GIGYF1: variants seen among roughly 807,000 people sequenced by gnomAD.
GIGYF1 encodes GRB10-interacting GYF protein 1.
GIGYF1 carries 84 observed loss-of-function variants against 147.1 expected under a neutral mutation model. The ratio of observed to expected loss-of-function variants is 0.57; its 90% CI spans 0.48 to 0.68. The LOEUF is 0.68. GIGYF1 is among the 30% of genes least tolerant of loss of function. The pLI is 0.00. For missense variants in GIGYF1, 1,485 were observed against 1,393.7 expected, an observed-to-expected ratio of 1.07 and a Z score of -1.04; for synonymous variants, 752 against 589.5, an observed-to-expected ratio of 1.28 and a Z score of -3.99.
chr7:100,683,823 T>A lies in GIGYF1; in HGVS notation c.1964A>T (p.Gln655Leu), dbSNP rs1467414358. ...GGACCAGTCAGGCCACACACCTGAC[T>A]GTGATGAGGCTGAGGTATGTACGTC... ...LWDVHTSASS[Q>L]SGGEASLWDI... Residue 655 changes from glutamine (Q) to leucine (L), a missense_variant, in exon 19 of 27, where the codon CAG becomes CTG. Gln to Leu is a moderately radical substitution (Grantham distance 113). Coordinates refer to ENST00000678049, the MANE Select transcript of GIGYF1 (RefSeq NM_001375765.1). 4 of 1,575,028 alleles carry A rather than the reference T, an allele frequency of 2.5e-6. No individual in the cohort carries two copies. The Admixed American group carries it at 7.6e-5, about 30-fold the overall frequency.
intron 1 of GIGYF1, among the ~76,000 whole-genome samples, chr7:100,692,325 C>A (rs1421346059): frequency 6.6e-6 from 1 of 152,258 alleles, no homozygotes; most frequent in African/African-American, 2.4e-5. Context: ...GATTTTCACT[C>A]TTTACCTCCT....
intron 1 of GIGYF1, among the ~76,000 whole-genome samples, chr7:100,690,781 CAAAAA>C (rs34194201): frequency 3.2e-5 from 3 of 93,582 alleles, no homozygotes; most frequent in African/African-American, 1.3e-4. Context: ...GACTCTGTCT[CAAAAA>C]AAAAAAAAAA....
chr7:100,684,356 G>A lies in GIGYF1; in HGVS notation c.1630-19C>T, dbSNP rs750044255. The A allele has an allele frequency of 2.1e-5, 33 of 1,594,084 alleles. No individual in the cohort carries two copies. The highest frequency in any genetic ancestry group is 3.3e-4 in the Middle Eastern group (2 of 6,014). On this transcript the variant is annotated intron_variant, in intron 16 of 26. Coordinates refer to ENST00000678049, the MANE Select transcript of GIGYF1 (RefSeq NM_001375765.1). ...TGTTTCCCTGCTCAGGTGAGAGCTC[G>A]GCCAGTGCCCCCAGCAGGGAGGAGG...
intron 1 of GIGYF1, among the ~76,000 whole-genome samples, chr7:100,693,142 A>G (rs1318009526): frequency 6.6e-6 from 1 of 152,194 alleles, no homozygotes; most frequent in Non-Finnish European, 1.5e-5. Context: ...CTGGAAAAAA[A>G]AAATCCAATC....
intron 1 of GIGYF1, among the ~76,000 whole-genome samples, chr7:100,690,085 A>G (rs1486117082): frequency 3.3e-5 from 5 of 152,198 alleles, no homozygotes; most frequent in Non-Finnish European, 7.3e-5. Flanking sequence ...AGTAACACAG[A>G]ATGGCACAAT....
rs1804778701 is a variant in GIGYF1 at position 100,681,630 on chromosome 7, C to G, written c.*89G>C. On this transcript the variant is annotated 3_prime_UTR_variant, in exon 27 of 27. Coordinates refer to ENST00000678049, the MANE Select transcript of GIGYF1 (RefSeq NM_001375765.1). Reference sequence around the variant, plus strand: ...CCCCGCCCCTGCCTCTTCCTGTGCTCTCTGCGGGGAGCCTGCAGGCTGGGA... The same window carrying G: ...CCCCGCCCCTGCCTCTTCCTGTGCTGTCTGCGGGGAGCCTGCAGGCTGGGA... 3.1e-6 allele frequency: 4 copies of G among 1,296,890 alleles called. No individual in the cohort carries two copies. Among genetic ancestry groups the G allele is most frequent in the African/African-American group, 1.5e-5 (1 of 67,412 alleles). The allele number at this position is 1,296,890 out of a possible 1,614,324, so 80.3% of individuals were successfully genotyped here.
In GIGYF1 at chr7:100,686,674, G is replaced by A. The variant is rs114782558; in HGVS notation, c.669C>T (p.Gly223=). ...WRLGAGPRRD[G]DRWRSASPDG... ...CAGGGCTGGCGGAGCGCCAGCGGTC[G>A]CCGTCTCGCCGGGGCCCTGCTCCGA... The change falls in exon 10 of 27, where the codon GGC becomes GGT. Residue 223 remains glycine, a synonymous_variant. Transcript: ENST00000678049. 618 of 1,612,356 alleles carry A rather than the reference G, an allele frequency of 3.8e-4. 5 individuals are homozygous for A. In the African/African-American group the frequency reaches 6.9e-3, roughly 18 times the overall value.
intron 6 of GIGYF1, 75 bp from the exon 7 acceptor site, chr7:100,687,691 C>A: frequency 6.8e-7 from 1 of 1,478,396 alleles, no homozygotes. Context: ...CAGCACCCTC[C>A]CCGCCTGTCT....
At chr7:100,684,215 G>A in intron 17 of GIGYF1, 22 bp downstream of exon 17, 2 of 1,602,468 alleles carry the variant, frequency 1.2e-6, no homozygotes, top group Non-Finnish European at 1.7e-6. Flanking sequence ...CCTTCTCCCA[G>A]CCCACCCCAG....
In GIGYF1 at chr7:100,685,394, G is replaced by C; in HGVS notation, c.1142C>G (p.Thr381Arg). ...TGCAGTTTCGTCCCCATCCCCGTTT[G>C]TCCCCCAGAGTGGGCCCAGGGTGGG... ...PLPTLGPLWG[T>R]NGDGDETAEK... The change falls in exon 13 of 27, where the codon ACA becomes AGA. Residue 381 changes from threonine to arginine, a missense_variant. By Grantham distance (71) the Thr-to-Arg change is moderately conservative. Transcript: ENST00000678049. 6.3e-7 allele frequency: 1 copy of C among 1,591,506 alleles called. No homozygotes were observed. Among genetic ancestry groups the C allele is most frequent in the Non-Finnish European group, 8.5e-7 (1 of 1,174,602 alleles).
rs771298452 is a variant in GIGYF1, at chr7:100,682,461, C to A, written c.2622G>T (p.Ser874=). The A allele has an allele frequency of 1.5e-5, 24 of 1,612,710 alleles. No individual in the cohort carries two copies. In the Admixed American group the frequency reaches 2.8e-4, roughly 19 times the overall value. Residue 874 remains serine (S), a synonymous_variant, in exon 24 of 27, where the codon TCG becomes TCT. Transcript: ENST00000678049. Reference sequence around the variant, plus strand: ...CCGTCTTTTTGCGAATGGGCCGACCCGATAGGTGGCTGTATGAGTCACTGA... The same window carrying A: ...CCGTCTTTTTGCGAATGGGCCGACCAGATAGGTGGCTGTATGAGTCACTGA... ...PSLSDSYSHL[S]GRPIRKKTEE... is the part of the protein sequence containing the mutation.
intron 22 of GIGYF1, 77 bp downstream of exon 22, chr7:100,682,935 G>A (rs1804927782): frequency 6.8e-6 from 9 of 1,331,832 alleles, no homozygotes; most frequent in Non-Finnish European, 6.0e-6. Context: ...GGCTGCACAA[G>A]TCTGGGTTCA....
intron 12 of GIGYF1, 59 bp downstream of exon 12, chr7:100,685,915 A>G (rs1805277616): frequency 6.9e-7 from 1 of 1,452,250 alleles, no homozygotes; most frequent in African/African-American, 1.4e-5. Context: ...CCAGCCCGGC[A>G]AAGAACACCA....
chr7:100,687,217 T>G (rs1426187034), intron 8 of GIGYF1, 81 bp downstream of exon 8: 20 of 1,476,688 alleles, frequency 1.4e-5, no homozygotes, highest in East Asian at 2.3e-5. Context: ...CTGGTGGGCC[T>G]CTGTTACCCT....
intron 6 of GIGYF1, 30 bp downstream of exon 6, chr7:100,687,758 C>T: frequency 6.2e-7 from 1 of 1,606,608 alleles, no homozygotes; most frequent in Non-Finnish European, 8.5e-7. Context: ...TCCCAGGCTC[C>T]CGCAGCCTCA....
At chr7:100,693,203 A>G (rs1805954250) in intron 1 of GIGYF1, among the ~76,000 whole-genome samples, 1 of 152,204 alleles carries the variant, frequency 6.6e-6, no homozygotes, top group Non-Finnish European at 1.5e-5. Flanking sequence ...ACTAGGATGC[A>G]ACAGACCTGG....
chr7:100,683,843 T>C lies in GIGYF1; in HGVS notation c.1944A>G (p.Val648=), dbSNP rs768767907. ...SVPDSGRLWD[V]HTSASSQSGG... ...CTGACTGTGATGAGGCTGAGGTATG[T>C]ACGTCCCAGAGGCGGCCCGAATCTG... The change falls in exon 19 of 27, where the codon GTA becomes GTG. Residue 648 remains valine (V), a synonymous_variant. Coordinates refer to ENST00000678049, the MANE Select transcript of GIGYF1 (RefSeq NM_001375765.1). 1.9e-6 allele frequency: 3 copies of C among 1,570,954 alleles called. No homozygotes were observed. The highest frequency in any genetic ancestry group is 3.8e-5 in the Admixed American group (2 of 52,244).
In GIGYF1 at chr7:100,679,737, A is replaced by G. The variant is rs1285788728; in HGVS notation, c.*1982T>C. 1 of 152,300 alleles carries G rather than the reference A, an allele frequency of 6.6e-6. No individual in the cohort carries two copies. The highest frequency in any genetic ancestry group is 1.5e-5 in the Non-Finnish European group (1 of 68,022). 9.4% of individuals were successfully genotyped at this position (152,300 alleles called of 1,614,324 possible). A position where few individuals can be genotyped will look rare whatever the true frequency, so the allele number is the denominator to read the frequency against. ...AGCAACAGGGTCTGAGTCCCTGGGC[A>G]GGGGGGCTCAGGGGCTTGTAAACAT... On this transcript the variant is annotated 3_prime_UTR_variant, in exon 27 of 27. Transcript: ENST00000678049.
chr7:100,682,654 TGGG>T lies in GIGYF1; in HGVS notation c.2533_2535del (p.Pro845del). 6.2e-7 allele frequency: 1 copy of T among 1,605,126 alleles called. No individual in the cohort carries two copies. The highest frequency in any genetic ancestry group is 8.5e-7 in the Non-Finnish European group (1 of 1,177,414). On this transcript the variant is annotated inframe_deletion, in exon 23 of 27. Transcript: ENST00000678049. Reference sequence around the variant, plus strand: ...CCACGGACCAGGCTCCCGCCGCTCTTGGGGGTGTCCTCCCAGAGCCCCAGGCCG... The same window carrying T: ...CCACGGACCAGGCTCCCGCCGCTCTTGGTGTCCTCCCAGAGCCCCAGGCCG...
Sources: gnomAD v4.1 joint callset for allele counts (sites outside exome capture counted in the v4.1 genomes callset) on GRCh38, gnomAD v4.1.1 for gene constraint, MANE v1.5 for transcripts, NCBI Gene and HGNC (gene_info 2026-07-23, HGNC 2026-07-21) for gene names.